FOXP1: variants seen among roughly 807,000 people sequenced by gnomAD.
FOXP1 encodes the protein forkhead box P1, also known as forkhead box protein P1.
FOXP1 carries 15 observed loss-of-function variants against 98.2 expected under a neutral mutation model. The ratio of observed to expected loss-of-function variants is 0.15; its 90% CI spans 0.10 to 0.24. The LOEUF (loss-of-function observed/expected upper bound fraction) is 0.24. Ranked by LOEUF, FOXP1 falls within the 10% of genes least tolerant of loss-of-function variation. FOXP1 has a pLI of 1.00. For missense variants in FOXP1, 633 were observed against 848.5 expected (o/e 0.75, Z 3.15); for synonymous variants, 371 against 314.5 (o/e 1.18, Z -1.90).
intron 4 of FOXP1, among the ~76,000 whole-genome samples, chr3:71,356,195 A>G (rs1366694381): frequency 6.8e-6 from 1 of 146,024 alleles, no homozygotes; most frequent in Non-Finnish European, 1.5e-5. Flanking sequence ...GCGAGGCAGG[A>G]CCATTGTCTG....
At chr3:71,207,117 A>G (rs1041186210) in intron 5 of FOXP1, among the ~76,000 whole-genome samples, 2 of 152,198 alleles carry the variant, frequency 1.3e-5, no homozygotes, top group Admixed American at 6.5e-5. Flanking sequence ...GCATTTTTAC[A>G]GAACAAAATA....
intron 2 of FOXP1, among the ~76,000 whole-genome samples, chr3:71,501,912 T>C (rs2107194211): frequency 1.3e-5 from 2 of 152,278 alleles, no homozygotes; most frequent in African/African-American, 4.8e-5. Context: ...AGCTCTTTGG[T>C]TTCTTTCGCA....
chr3:71,233,335 A>C (rs1226903338), intron 5 of FOXP1, among the ~76,000 whole-genome samples: 1 of 152,070 alleles, frequency 6.6e-6, no homozygotes, highest in Non-Finnish European at 1.5e-5. Flanking sequence ...AACTCATAAA[A>C]AACTGAGGGA....
intron 11 of FOXP1, among the ~76,000 whole-genome samples, chr3:71,036,815 G>A (rs933791245): frequency 1.3e-5 from 2 of 152,016 alleles, no homozygotes; most frequent in East Asian, 1.9e-4. Context: ...AGAAAACTCT[G>A]GTATTTTCTT....
chr3:71,373,045 A>C (rs1400717926), intron 3 of FOXP1, among the ~76,000 whole-genome samples: 1 of 152,206 alleles, frequency 6.6e-6, no homozygotes, highest in Non-Finnish European at 1.5e-5. Context: ...GTAGGTACTA[A>C]AATTGTCTGC....
chr3:71,091,148 C>T (rs1427446297), intron 7 of FOXP1, among the ~76,000 whole-genome samples: 3 of 17,430 alleles, frequency 1.7e-4, no homozygotes, highest in Non-Finnish European at 4.4e-4. Context: ...TAAATTAATC[C>T]TCTGAATTAA....
intron 2 of FOXP1, among the ~76,000 whole-genome samples, chr3:71,527,469 A>G (rs2043482966): frequency 6.6e-6 from 1 of 152,196 alleles, no homozygotes; most frequent in Non-Finnish European, 1.5e-5. Context: ...CAATGTCCAC[A>G]TCCAAGCTGG....
intron 3 of FOXP1, among the ~76,000 whole-genome samples, chr3:71,433,443 C>A (rs958643335): frequency 6.6e-6 from 1 of 152,122 alleles, no homozygotes; most frequent in South Asian, 2.1e-4. Context: ...AACAACTTTA[C>A]GGGTTCAACC....
intron 6 of FOXP1, among the ~76,000 whole-genome samples, chr3:71,150,975 C>A (rs986015514): frequency 2.0e-5 from 3 of 152,148 alleles, no homozygotes; most frequent in Non-Finnish European, 2.9e-5. Flanking sequence ...AAAGGGAAGG[C>A]ATATGGGGGT....
At chr3:71,373,500 GA>G (rs945735096) in intron 3 of FOXP1, among the ~76,000 whole-genome samples, 6 of 152,186 alleles carry the variant, frequency 3.9e-5, no homozygotes, top group African/African-American at 1.4e-4. Context: ...TGAGGAGGAT[GA>G]AGTGAATGAA....
intron 5 of FOXP1, 22 bp from the exon 6 acceptor site, chr3:71,198,414 T>C (rs1225326933): frequency 1.4e-4 from 21 of 154,644 alleles, no homozygotes; most frequent in South Asian, 7.7e-4. Flanking sequence ...ATTTCCAAGA[T>C]GGGGGGAGGG....
intron 11 of FOXP1, among the ~76,000 whole-genome samples, chr3:71,024,199 G>A (rs187150587): frequency 1.3e-5 from 2 of 152,262 alleles, no homozygotes; most frequent in East Asian, 1.9e-4. Context: ...GAGAAACGAC[G>A]ATGCAAGGGC....
chr3:70,969,878 A>AAAAC (rs3836384), intron 19 of FOXP1: 47,825 of 151,930 alleles, frequency 0.31, 7,912 homozygotes, highest in African/African-American at 0.37. Flanking sequence ...GGTAGGGGCA[A>AAAAC]AAACAGGACC....
intron 6 of FOXP1, among the ~76,000 whole-genome samples, chr3:71,158,727 C>CAAAAAAAAAAAAAAAAAAAAAA (rs71104421): frequency 8.8e-6 from 1 of 113,098 alleles, no homozygotes; most frequent in Non-Finnish European, 1.8e-5. Context: ...GCCCACAGAC[C>CAAAAAAAAAAAAAAAAAAAAAA]AAAAAAAAAA....
At chr3:71,114,985 T>A (rs939959214) in intron 6 of FOXP1, among the ~76,000 whole-genome samples, 3 of 152,226 alleles carry the variant, frequency 2.0e-5, no homozygotes, top group African/African-American at 7.2e-5. Flanking sequence ...CTTCTCCTAC[T>A]ATATATGTTC....
At chr3:71,414,381 C>G (rs911647712) in intron 3 of FOXP1, among the ~76,000 whole-genome samples, 1 of 152,192 alleles carries the variant, frequency 6.6e-6, no homozygotes, top group African/African-American at 2.4e-5. Flanking sequence ...ACCTGGGCCT[C>G]AGCCTCTGGC....
intron 4 of FOXP1, among the ~76,000 whole-genome samples, chr3:71,308,388 T>C (rs1418393061): frequency 6.6e-6 from 1 of 152,160 alleles, no homozygotes; most frequent in African/African-American, 2.4e-5. Context: ...AACTCTACAG[T>C]CCAGATGGGG....
intron 12 of FOXP1, among the ~76,000 whole-genome samples, chr3:71,002,558 G>T (rs1169840540): frequency 6.6e-6 from 1 of 152,194 alleles, no homozygotes; most frequent in Admixed American, 6.5e-5. Flanking sequence ...TGCTTTTAAA[G>T]AAGCATGTTG....
At chr3:71,185,798 T>G (rs1016603430) in intron 6 of FOXP1, among the ~76,000 whole-genome samples, 7 of 152,214 alleles carry the variant, frequency 4.6e-5, no homozygotes, top group Admixed American at 2.0e-4. Flanking sequence ...TATAGTTCAG[T>G]GTATACTTAC....
Sources: allele counts gnomAD v4.1 joint callset (sites outside exome capture counted in the v4.1 genomes callset), GRCh38; gene constraint gnomAD v4.1.1; transcripts MANE v1.5; gene names NCBI Gene and HGNC (gene_info 2026-07-23, HGNC 2026-07-21).